Variants in LRRC4C observed in about 807,000 individuals in gnomAD.
LRRC4C encodes leucine rich repeat containing 4C.
In LRRC4C, 5 loss-of-function variants were observed where a neutral mutation model predicts 33.6. The observed-to-expected ratio is 0.15, with a 90% CI of 0.08 to 0.31. The LOEUF (loss-of-function observed/expected upper bound fraction) is 0.31, where lower values mean the gene tolerates loss of function less well. Ranked by LOEUF, LRRC4C falls within the 10% of genes least tolerant of loss-of-function variation. LRRC4C has a pLI of 1.00. For missense variants in LRRC4C, 560 were observed against 796.7 expected (o/e 0.70, Z 3.58); for synonymous variants, 329 against 302.0 (o/e 1.09, Z -0.93).
chr11:40,826,976 C>G (rs1486574974), intron 2 of LRRC4C, among the ~76,000 whole-genome samples: 1 of 151,906 alleles, frequency 6.6e-6, no homozygotes, highest in Non-Finnish European at 1.5e-5. Context: ...CTACAAATTC[C>G]GTTCTCCTAA....
chr11:41,311,651 A>T (rs1378023779), intron 1 of LRRC4C, among the ~76,000 whole-genome samples: 4 of 152,228 alleles, frequency 2.6e-5, no homozygotes, highest in African/African-American at 9.6e-5. Flanking sequence ...CACCTGCCTA[A>T]ACTCACAGAA....
chr11:40,304,566 T>C (rs1944934912), intron 4 of LRRC4C, among the ~76,000 whole-genome samples: 1 of 152,174 alleles, frequency 6.6e-6, no homozygotes, highest in Admixed American at 6.5e-5. Context: ...CTTTAACTTC[T>C]TCTCTACCTC....
At chr11:40,878,135 C>T (rs377027762) in intron 2 of LRRC4C, among the ~76,000 whole-genome samples, 1 of 151,920 alleles carries the variant, frequency 6.6e-6, no homozygotes, top group Non-Finnish European at 1.5e-5. Flanking sequence ...GAAAGAGTCA[C>T]GGATGGAAGT....
intron 5 of LRRC4C, among the ~76,000 whole-genome samples, chr11:40,170,422 C>T (rs1399927299): frequency 1.3e-5 from 2 of 152,004 alleles, no homozygotes; most frequent in Non-Finnish European, 2.9e-5. Flanking sequence ...CTCCAAATTA[C>T]ATCTTTGGTG....
intron 2 of LRRC4C, among the ~76,000 whole-genome samples, chr11:40,702,375 T>C (rs1329603464): frequency 6.6e-6 from 1 of 152,204 alleles, no homozygotes; most frequent in Non-Finnish European, 1.5e-5. Flanking sequence ...TTTAAACCTT[T>C]GCCTAACTTC....
chr11:40,756,343 T>A (rs1372117142), intron 2 of LRRC4C, among the ~76,000 whole-genome samples: 1 of 152,174 alleles, frequency 6.6e-6, no homozygotes, highest in Non-Finnish European at 1.5e-5. Flanking sequence ...TTCTTTTACA[T>A]AATCCGTCGC....
At chr11:40,957,640 A>T (rs1959018377) in intron 1 of LRRC4C, among the ~76,000 whole-genome samples, 1 of 151,738 alleles carries the variant, frequency 6.6e-6, no homozygotes, top group African/African-American at 2.4e-5. Flanking sequence ...GACAAAAGAG[A>T]TGGTACTAGA....
At chr11:41,318,025 C>T (rs1182733757) in intron 1 of LRRC4C, among the ~76,000 whole-genome samples, 1 of 151,898 alleles carries the variant, frequency 6.6e-6, no homozygotes, top group Non-Finnish European at 1.5e-5. Context: ...ATGCATTCAA[C>T]AGAATACAAT....
At chr11:40,803,664 G>A (rs1372288456) in intron 2 of LRRC4C, among the ~76,000 whole-genome samples, 10 of 151,892 alleles carry the variant, frequency 6.6e-5, no homozygotes, top group African/African-American at 2.2e-4. Context: ...CCCAGATGGG[G>A]TTTCACCGTC....
At chr11:41,193,806 C>CTT (rs34857286) in intron 1 of LRRC4C, among the ~76,000 whole-genome samples, 4 of 150,990 alleles carry the variant, frequency 2.6e-5, no homozygotes, top group Admixed American at 6.6e-5. Flanking sequence ...CTGATTTTGC[C>CTT]TTTTTTTTTA....
At chr11:40,175,160 A>G (rs1428618884) in intron 5 of LRRC4C, among the ~76,000 whole-genome samples, 1 of 152,242 alleles carries the variant, frequency 6.6e-6, no homozygotes, top group South Asian at 2.1e-4. Flanking sequence ...CAGTGGTTGC[A>G]TAATAGATTT....
chr11:41,027,949 CAAACAGT>C (rs1190885147), intron 1 of LRRC4C, among the ~76,000 whole-genome samples: 1 of 151,572 alleles, frequency 6.6e-6, no homozygotes, highest in Non-Finnish European at 1.5e-5. Flanking sequence ...AATTAAAACT[CAAACAGT>C]AATTTAGAAG....
chr11:40,945,934 A>T (rs1958378239), intron 1 of LRRC4C, among the ~76,000 whole-genome samples: 1 of 152,214 alleles, frequency 6.6e-6, no homozygotes, highest in Non-Finnish European at 1.5e-5. Flanking sequence ...TTAAAAATGT[A>T]ATTTCAAGTT....
chr11:40,618,517 A>C (rs571990347), intron 3 of LRRC4C, among the ~76,000 whole-genome samples: 25 of 151,258 alleles, frequency 1.7e-4, no homozygotes, highest in South Asian at 4.1e-4. Flanking sequence ...ACGGTACCCC[A>C]AAAAAACTAA....
At chr11:41,348,577 G>C (rs145414923) in intron 1 of LRRC4C, among the ~76,000 whole-genome samples, 1 of 151,850 alleles carries the variant, frequency 6.6e-6, no homozygotes, top group African/African-American at 2.4e-5. Flanking sequence ...GATACAGCCA[G>C]GAAGAGCGTC....
intron 2 of LRRC4C, among the ~76,000 whole-genome samples, chr11:40,688,175 A>G (rs1026238477): frequency 6.6e-6 from 1 of 152,156 alleles, no homozygotes; most frequent in South Asian, 2.1e-4. Flanking sequence ...AGCAGAAGGT[A>G]AAAATGAGCT....
chr11:40,223,564 C>T (rs1403543080), intron 5 of LRRC4C, among the ~76,000 whole-genome samples: 2 of 152,254 alleles, frequency 1.3e-5, no homozygotes, highest in Non-Finnish European at 1.5e-5. Flanking sequence ...TATTTTTAGG[C>T]CTCCTTAAGA....
intron 2 of LRRC4C, among the ~76,000 whole-genome samples, chr11:40,785,856 T>G (rs1454708549): frequency 6.6e-6 from 1 of 152,082 alleles, no homozygotes; most frequent in African/African-American, 2.4e-5. Flanking sequence ...CTTTACCATC[T>G]CATTGCACAT....
intron 1 of LRRC4C, among the ~76,000 whole-genome samples, chr11:41,179,392 A>C (rs1945346581): frequency 6.6e-6 from 1 of 152,198 alleles, no homozygotes; most frequent in African/African-American, 2.4e-5. Context: ...GATACTTTCT[A>C]ATGGTCTTTC....
Sources: allele counts gnomAD v4.1 joint callset (sites outside exome capture counted in the v4.1 genomes callset), GRCh38; gene constraint gnomAD v4.1.1; transcripts MANE v1.5; gene names NCBI Gene and HGNC (gene_info 2026-07-23, HGNC 2026-07-21).